Variants in EVPL observed in about 807,000 individuals in gnomAD.
EVPL encodes the protein envoplakin, also known as 210 kDa cornified envelope precursor protein.
A neutral mutation model predicts 129.7 loss-of-function variants in EVPL; 94 were observed. The ratio of observed to expected loss-of-function variants is 0.72; its 90% CI spans 0.61 to 0.86. The LOEUF is 0.86. EVPL is among the 40% of genes least tolerant of loss of function. EVPL has a pLI of 0.00. For missense variants in EVPL, 2,625 were observed against 2,721.1 expected, an observed-to-expected ratio of 0.96 and a Z score of 0.79; for synonymous variants, 1,172 against 1,191.1, an observed-to-expected ratio of 0.98 and a Z score of 0.33.
Position 76,008,488 on chromosome 17 carries a change from T to C in EVPL, c.4717A>G (p.Thr1573Ala). The change falls in exon 22 of 22, where the codon ACC becomes GCC. Residue 1573 changes from threonine to alanine, a missense_variant. Thr to Ala is a moderately conservative substitution (Grantham distance 58). Coordinates refer to ENST00000301607, the MANE Select transcript of EVPL (RefSeq NM_001988.4). The surrounding 1 kb of genome is among the most constrained non-coding windows in gnomAD (Gnocchi z 7.4). ...AGCTCGGACTCCTCCCGGGACCAGG[T>C]TCTCCCCAGCGTCTCGGCCCGGTCA... ...RIDRAETLGR[T>A]WSREESELQR... 6.2e-7 allele frequency: 1 copy of C among 1,600,578 alleles called. No individual in the cohort carries two copies. The highest frequency in any genetic ancestry group is 1.7e-5 in the Admixed American group (1 of 59,152).
chr17:76,025,166 A>G (rs561151808), intron 1 of EVPL, among the ~76,000 whole-genome samples: 6 of 152,296 alleles, frequency 3.9e-5, no homozygotes, highest in Admixed American at 1.3e-4. Context: ...GTAAAGCGGG[A>G]TTTTAATAAA....
chr17:76,011,493 A>G (rs2290252), intron 21 of EVPL, 83 bp downstream of exon 21: 256,424 of 1,208,618 alleles, frequency 0.21, 28,600 homozygotes, highest in South Asian at 0.25. Flanking sequence ...TACCAGGGTG[A>G]CAGCCTGGCA....
At position 76,007,161 on chromosome 17, in the gene EVPL, A is replaced by G; in HGVS notation, c.6044T>C (p.Leu2015Pro). The change falls in exon 22 of 22, where the codon CTG becomes CCG. Residue 2015 changes from leucine (L) to proline (P), a missense_variant. Physicochemically the swap from Leu to Pro is moderately conservative, Grantham distance 98. Transcript: ENST00000301607. The surrounding 1 kb of genome is among the most constrained non-coding windows in gnomAD (Gnocchi z 8.8). ...GGAGCGGTAGCAGCGGTACCCCTCC[A>G]GTGCCGCTGGCAGGAGCAGCAGGCC... ...LSGLLLLPAA[L>P]EGYRCYRSAS... 1.3e-6 allele frequency: 2 copies of G among 1,508,952 alleles called. No homozygotes were observed. The highest frequency in any genetic ancestry group is 1.8e-6 in the Non-Finnish European group (2 of 1,127,192). The allele number at this position is 1,508,952 out of a possible 1,614,324, so 93.5% of individuals were successfully genotyped here. A position where few individuals can be genotyped will look rare whatever the true frequency, so the allele number is the denominator to read the frequency against.
At chr17:76,026,146 G>T (rs1194732692) in intron 1 of EVPL, among the ~76,000 whole-genome samples, 2 of 151,798 alleles carry the variant, frequency 1.3e-5, no homozygotes, top group African/African-American at 4.8e-5. Context: ...ATTTCATCAT[G>T]TTGCCCAGGC....
At position 76,010,207 on chromosome 17, in the gene EVPL, C is replaced by T. The variant is rs967552689; in HGVS notation, c.2998G>A (p.Val1000Ile). 1.2e-6 allele frequency: 2 copies of T among 1,614,040 alleles called. No homozygotes were observed. The highest frequency in any genetic ancestry group is 1.3e-5 in the African/African-American group (1 of 75,052). ...QADLEVAAQKVVQLESKRKTM... is the reference protein window; with the variant it reads ...QADLEVAAQKIVQLESKRKTM... ...TTCCTCTTGCTTTCCAGCTGCACGA[C>T]CTTCTGGGCTGCCACTTCCAGGTCT... The change falls in exon 22 of 22, where the codon GTC becomes ATC. Residue 1000 changes from valine (V) to isoleucine (I), a missense_variant. Val to Ile is a conservative substitution (Grantham distance 29, BLOSUM62 3). Transcript: ENST00000301607.
chr17:76,023,385 C>T lies in EVPL; in HGVS notation c.387G>A (p.Glu129=). ...CGTACAGGGCACGGTACTCCGCACACTCCTGGGTCACCCGCTCGTGCAGCT... is the reference window on the plus strand; with the variant it reads ...CGTACAGGGCACGGTACTCCGCACATTCCTGGGTCACCCGCTCGTGCAGCT... ...IKQLHERVTQ[E]CAEYRALYEK... The change falls in exon 4 of 22, where the codon GAG becomes GAA. Residue 129 remains glutamate, a synonymous_variant. Transcript: ENST00000301607. 6.2e-7 allele frequency: 1 copy of T among 1,613,934 alleles called. No homozygotes were observed. Among genetic ancestry groups the T allele is most frequent in the Non-Finnish European group, 8.5e-7 (1 of 1,180,016 alleles).
chr17:76,013,273 A>C lies in EVPL; in HGVS notation c.2373+1153T>G, dbSNP rs1327812020. On this transcript the variant is annotated intron_variant, in intron 18 of 21. Transcript: ENST00000301607. This position sits in a 1 kb window ranked among gnomAD's most constrained non-coding sequence, Gnocchi z 4.3. ...AGATTCTAGTTTGCAGCCAGGGCTG[A>C]GAATCTCTGTCCCAGGCCCCCTTCC... is the stretch of plus-strand genomic sequence containing the variant. Among the ~76,000 whole-genome samples, 3 of 152,100 alleles carry C rather than the reference A, an allele frequency of 2.0e-5. No homozygotes were observed. Among genetic ancestry groups the C allele is most frequent in the Non-Finnish European group, 4.4e-5 (3 of 68,016 alleles).
chr17:76,021,594 A>G (rs1309869621), intron 8 of EVPL, 31 bp from the exon 9 acceptor site: 2 of 1,438,588 alleles, frequency 1.4e-6, no homozygotes, highest in East Asian at 5.4e-5. Flanking sequence ...CCCTCGGACC[A>G]CGCCCCCCCC....
chr17:76,014,210 C>T (rs1376792968), intron 18 of EVPL, among the ~76,000 whole-genome samples: 1 of 152,224 alleles, frequency 6.6e-6, no homozygotes, highest in Non-Finnish European at 1.5e-5. Context: ...ACCCTCAGGG[C>T]TCTGTGGCCT....
intron 1 of EVPL, among the ~76,000 whole-genome samples, chr17:76,026,005 G>C (rs2066495849): frequency 6.6e-6 from 1 of 152,260 alleles, no homozygotes; most frequent in Non-Finnish European, 1.5e-5. Flanking sequence ...GCAGTGGAGT[G>C]ATCACGGCTC....
At chr17:76,017,609 C>T (rs902318888) in intron 14 of EVPL, 130 bp downstream of exon 14, 24 of 1,295,870 alleles carry the variant, frequency 1.9e-5, no homozygotes, top group Non-Finnish European at 2.5e-5. Context: ...TGTCTGAGCC[C>T]GGGTCTGTCC....
chr17:76,018,800 CA>C, intron 11 of EVPL, 113 bp downstream of exon 11: 1 of 1,177,510 alleles, frequency 8.5e-7, no homozygotes, highest in Non-Finnish European at 1.1e-6. Flanking sequence ...AGGAGTAGGG[CA>C]AAAGTGGGCG....
rs149555245 is a variant in EVPL at position 76,008,266 on chromosome 17, G to A, written c.4939C>T (p.Arg1647Cys). Residue 1647 changes from arginine (R) to cysteine (C), a missense_variant, in exon 22 of 22, where the codon CGC becomes TGC. Physicochemically the swap from Arg to Cys is radical, Grantham distance 180. This residue lies in a region of EVPL where 1,453 missense variants were observed against 1,511.8 expected (regional missense o/e 0.96). Coordinates refer to ENST00000301607, the MANE Select transcript of EVPL (RefSeq NM_001988.4). The surrounding 1 kb of genome is among the most constrained non-coding windows in gnomAD (Gnocchi z 7.4). ...TTCTCGTAGATCTGGTCCTTCTCGC[G>A]GAGGATGGCCGCCTCCAGCCGCGAG... ...ELSRLEAAIL[R>C]EKDQIYEKER... The A allele has an allele frequency of 1.5e-4, 236 of 1,612,566 alleles. No homozygotes were observed. The highest frequency in any genetic ancestry group is 3.5e-4 in the South Asian group (32 of 91,082).
intron 10 of EVPL, 49 bp downstream of exon 10, chr17:76,019,479 G>A (rs771557543): frequency 6.6e-7 from 1 of 1,519,910 alleles, no homozygotes; most frequent in South Asian, 1.3e-5. Context: ...AAATGGACAG[G>A]ACCAATTCCC....
chr17:76,022,573 C>G lies in EVPL; in HGVS notation c.481-35G>C, dbSNP rs1481472378. ...AGCCGGCGGCTCAGTCCCCAAAGGACCGCGGTGGGGAGCCAGAGAACCCCA... is the reference window on the plus strand; with the variant it reads ...AGCCGGCGGCTCAGTCCCCAAAGGAGCGCGGTGGGGAGCCAGAGAACCCCA... On this transcript the variant is annotated intron_variant, in intron 4 of 21. Coordinates refer to ENST00000301607, the MANE Select transcript of EVPL (RefSeq NM_001988.4). This position sits in a 1 kb window ranked among gnomAD's most constrained non-coding sequence, Gnocchi z 5.6. 1.3e-6 allele frequency: 2 copies of G among 1,574,912 alleles called. No homozygotes were observed. Among genetic ancestry groups the G allele is most frequent in the Non-Finnish European group, 1.7e-6 (2 of 1,161,010 alleles).
intron 17 of EVPL, 63 bp downstream of exon 17, chr17:76,014,853 T>C (rs1030724595): frequency 2.0e-6 from 3 of 1,473,408 alleles, no homozygotes; most frequent in Non-Finnish European, 2.7e-6. Context: ...ACACAGCTTG[T>C]AGACAGCAAT....
chr17:76,018,634 C>T (rs749897039), intron 11 of EVPL, 34 bp from the exon 12 acceptor site: 30 of 1,570,412 alleles, frequency 1.9e-5, no homozygotes, highest in African/African-American at 2.7e-5. Context: ...CTCCTGAGGG[C>T]TCAGGGGCAG....
At position 76,023,438 on chromosome 17, in the gene EVPL, C is replaced by T; in HGVS notation, c.354-20G>A. The T allele has an allele frequency of 6.2e-7, 1 of 1,613,388 alleles. No individual in the cohort carries two copies. Among genetic ancestry groups the T allele is most frequent in the African/African-American group, 1.3e-5 (1 of 75,024 alleles). On this transcript the variant is annotated intron_variant, in intron 3 of 21. Coordinates refer to ENST00000301607, the MANE Select transcript of EVPL (RefSeq NM_001988.4). ...TTGATGCTGTCAAGAAGGTGGCCGG[C>T]AGGTCAGGGCTGGACCTGGGTCTTC... is the stretch of plus-strand genomic sequence containing the variant.
At chr17:76,015,672 G>T (rs751804524) in intron 14 of EVPL, 44 bp from the exon 15 acceptor site, 1 of 1,570,236 alleles carries the variant, frequency 6.4e-7, no homozygotes, top group Non-Finnish European at 8.7e-7. Context: ...GGTGGGTTCC[G>T]CCCGACTCTT....
Sources: allele counts gnomAD v4.1 joint callset (sites outside exome capture counted in the v4.1 genomes callset), GRCh38; gene constraint gnomAD v4.1.1; regional missense constraint gnomAD v4.1.1; non-coding constraint Gnocchi (gnomAD v3.1); transcripts MANE v1.5; gene names NCBI Gene and HGNC (gene_info 2026-07-23, HGNC 2026-07-21).